CBX7: variants seen among roughly 807,000 people sequenced by gnomAD.
CBX7 encodes chromobox protein homolog 7.
In CBX7, 14 loss-of-function variants were observed where a neutral mutation model predicts 31.4. The ratio of observed to expected loss-of-function variants is 0.45; its 90% CI spans 0.29 to 0.70. The LOEUF is 0.70. Ranked by LOEUF, CBX7 falls within the 30% of genes least tolerant of loss-of-function variation. CBX7 has a pLI of 0.11. For missense variants in CBX7, 269 were observed against 351.9 expected (o/e 0.76, Z 1.89); for synonymous variants, 159 against 152.6 (o/e 1.04, Z -0.31).
At chr22:39,148,687 C>G (rs185576383) in intron 2 of CBX7, 1 of 152,492 alleles carries the variant, frequency 6.6e-6, no homozygotes, top group East Asian at 1.9e-4. Context: ...CAGCTCCCAA[C>G]CCCTGTCATC....
At chr22:39,150,674 G>A (rs1268989773) in intron 1 of CBX7, among the ~76,000 whole-genome samples, 2 of 152,168 alleles carry the variant, frequency 1.3e-5, no homozygotes, top group African/African-American at 4.8e-5. Context: ...GGAGGCTGAG[G>A]CAGGAGGATC....
chr22:39,133,530 T>C lies in CBX7; in HGVS notation c.*361A>G, dbSNP rs1332103973. On this transcript the variant is annotated 3_prime_UTR_variant, in exon 6 of 6. Transcript: ENST00000216133. ...GGAAAACCAGCCAACCAGGCTGGGG[T>C]GGCCACTCAAGGGAGAGGGTTTGGG... The C allele has an allele frequency of 5.8e-6, 1 of 171,518 alleles. No homozygotes were observed. Among genetic ancestry groups the C allele is most frequent in the Non-Finnish European group, 1.2e-5 (1 of 81,242 alleles). The allele number at this position is 171,518 out of a possible 1,614,324, so 10.6% of individuals were successfully genotyped here.
At chr22:39,139,964 C>T (rs573359639) in intron 3 of CBX7, among the ~76,000 whole-genome samples, 1 of 152,044 alleles carries the variant, frequency 6.6e-6, no homozygotes, top group South Asian at 2.1e-4. Context: ...GACAATGCCA[C>T]GAAGCTACAC....
chr22:39,133,921 G>T lies in CBX7; in HGVS notation c.726C>A (p.Gly242=), dbSNP rs1319175001. Residue 242 remains glycine (G), a synonymous_variant, in exon 6 of 6, where the codon GGC becomes GGA. Transcript: ENST00000216133. ...VTFREAQAAE[G]FFRDRSGKF ...ACTTCCCACTGCGGTCTCGGAAGAA[G>T]CCCTCAGCTGCCTGGGCCTCGCGGA... 2.5e-6 allele frequency: 4 copies of T among 1,613,042 alleles called. No individual in the cohort carries two copies. Among genetic ancestry groups the T allele is most frequent in the Non-Finnish European group, 3.4e-6 (4 of 1,179,540 alleles).
rs1204245857 is a variant in CBX7 at position 39,133,360 on chromosome 22, G to C, written c.*531C>G. ...GGATAGAAGCCTCTCTGAAGGGGAA[G>C]GGACTCGCCCCAAGTAACCTCAACC... is the stretch of plus-strand genomic sequence containing the variant. On this transcript the variant is annotated 3_prime_UTR_variant, in exon 6 of 6. Coordinates refer to ENST00000216133, the MANE Select transcript of CBX7 (RefSeq NM_175709.5). 6.6e-6 allele frequency: 1 copy of C among 152,490 alleles called. No individual in the cohort carries two copies. The highest frequency in any genetic ancestry group is 1.9e-4 in the East Asian group (1 of 5,170). The allele number at this position is 152,490 out of a possible 1,614,324, so 9.4% of individuals were successfully genotyped here.
At chr22:39,134,962 C>T (rs1930201156) in intron 4 of CBX7, 2 of 548,614 alleles carry the variant, frequency 3.6e-6, no homozygotes, top group Non-Finnish European at 3.2e-6. Context: ...CTCAGCCCTG[C>T]CTCTGGGCCC....
At chr22:39,141,500 G>A in intron 2 of CBX7, 64 bp from the exon 3 acceptor site, 1 of 1,433,040 alleles carries the variant, frequency 7.0e-7, no homozygotes, top group South Asian at 1.2e-5. Context: ...TGTAATCCCA[G>A]CACTTTGGGA....
At position 39,149,961 on chromosome 22, in the gene CBX7, A is replaced by C. The variant is rs749070997; in HGVS notation, c.70-129T>G. On this transcript the variant is annotated intron_variant, in intron 1 of 5. Coordinates refer to ENST00000216133, the MANE Select transcript of CBX7 (RefSeq NM_175709.5). ...CAGACAGGTGTCTCCCCAACACACA[A>C]ACACAATCCGGGGACTGTCCACCAG... 5.3e-6 allele frequency: 4 copies of C among 752,966 alleles called. No individual in the cohort carries two copies. In the African/African-American group the frequency reaches 6.9e-5, roughly 13 times the overall value. The allele number at this position is 752,966 out of a possible 1,614,324, so 46.6% of individuals were successfully genotyped here. A position where few individuals can be genotyped will look rare whatever the true frequency, so the allele number is the denominator to read the frequency against.
chr22:39,148,358 A>C (rs1930733886), intron 2 of CBX7: 1 of 152,266 alleles, frequency 6.6e-6, no homozygotes, highest in Non-Finnish European at 1.5e-5. Context: ...CTCTGTTTAC[A>C]GAAGAGAATC....
intron 2 of CBX7, among the ~76,000 whole-genome samples, chr22:39,145,321 G>T (rs1270003153): frequency 1.3e-5 from 2 of 152,160 alleles, no homozygotes; most frequent in East Asian, 3.9e-4. Flanking sequence ...GCCCAGAGGC[G>T]CCAAGGGGAA....
intron 2 of CBX7, among the ~76,000 whole-genome samples, chr22:39,142,606 G>A (rs570919261): frequency 6.6e-6 from 1 of 152,302 alleles, no homozygotes; most frequent in Admixed American, 6.5e-5. Flanking sequence ...CCACACCCTC[G>A]TTCCACTAGC....
intron 2 of CBX7, among the ~76,000 whole-genome samples, 196 bp from the exon 3 acceptor site, chr22:39,141,632 C>G (rs1354789670): frequency 2.0e-5 from 3 of 152,028 alleles, no homozygotes; most frequent in African/African-American, 7.3e-5. Context: ...GCCTGTAATC[C>G]CAGCTACTCA....
At chr22:39,136,623 A>C (rs1357932161) in intron 4 of CBX7, 1 of 152,412 alleles carries the variant, frequency 6.6e-6, no homozygotes, top group Non-Finnish European at 1.5e-5. Flanking sequence ...CAGCCCAGCC[A>C]ACACCTTGAC....
At chr22:39,140,619 C>T (rs1930419194) in intron 3 of CBX7, among the ~76,000 whole-genome samples, 1 of 152,162 alleles carries the variant, frequency 6.6e-6, no homozygotes, top group Admixed American at 6.5e-5. Context: ...AACCCTCATT[C>T]CTGCCTCAGG....
chr22:39,141,339 A>T (rs1228292480), intron 3 of CBX7, 32 bp downstream of exon 3: 4 of 1,595,556 alleles, frequency 2.5e-6, no homozygotes, highest in Non-Finnish European at 2.6e-6. Context: ...GCCGGCCCTA[A>T]GCCCCACCCG....
intron 4 of CBX7, among the ~76,000 whole-genome samples, chr22:39,136,917 G>A (rs1007120054): frequency 6.6e-6 from 1 of 152,200 alleles, no homozygotes; most frequent in African/African-American, 2.4e-5. Context: ...CTGCATGAAG[G>A]GAGGCCCACC....
At chr22:39,138,049 C>A (rs1034744991) in intron 4 of CBX7, among the ~76,000 whole-genome samples, 1 of 152,058 alleles carries the variant, frequency 6.6e-6, no homozygotes, top group Non-Finnish European at 1.5e-5. Flanking sequence ...GGCGTGGTGG[C>A]GGGCGCCTGT....
Position 39,149,579 on chromosome 22 carries a change from T to A in CBX7, c.113+210A>T, listed in dbSNP as rs1372215536. On this transcript the variant is annotated intron_variant, in intron 2 of 5. Transcript: ENST00000216133. The stretch of plus-strand genomic sequence containing the variant: ...GAGCTCAACACTCAGGAGGGCAGGG[T>A]GAGAAGAGAAGCTGGAGACCCACCT... 5.2e-6 allele frequency: 3 copies of A among 580,076 alleles called. No homozygotes were observed. In the African/African-American group the frequency reaches 5.7e-5, roughly 11 times the overall value. The allele number at this position is 580,076 out of a possible 1,614,324, so 35.9% of individuals were successfully genotyped here.
intron 2 of CBX7, among the ~76,000 whole-genome samples, chr22:39,145,564 CCGGGGGACTG>C (rs1003181498): frequency 6.6e-6 from 1 of 151,952 alleles, no homozygotes; most frequent in African/African-American, 2.4e-5. Context: ...GGCGTGGACA[CCGGGGGACTG>C]CGGGGGTCTG....
Sources: allele counts gnomAD v4.1 joint callset (sites outside exome capture counted in the v4.1 genomes callset), GRCh38; gene constraint gnomAD v4.1.1; transcripts MANE v1.5; gene names NCBI Gene and HGNC (gene_info 2026-07-23, HGNC 2026-07-21).